The following RSPH14 variants were observed in gnomAD, a reference collection of about 807,000 sequenced individuals.
RSPH14 encodes the protein rhabdoid tumor deletion region gene 1.
RSPH14 carries 20 observed loss-of-function variants against 26.7 expected under a neutral mutation model. The ratio of observed to expected loss-of-function variants is 0.75; its 90% CI spans 0.53 to 1.09. RSPH14 has a LOEUF of 1.09. Among genes scored for constraint, RSPH14 ranks in the 50% least tolerant of loss-of-function variants. RSPH14 has a pLI of 0.00. For missense variants in RSPH14, 449 were observed against 457.2 expected (o/e 0.98, Z 0.16); for synonymous variants, 177 against 189.3 (o/e 0.93, Z 0.53).
chr22:23,160,907 C>T, the RSPH14 span: 42 of 1,613,776 alleles, frequency 2.6e-5, no homozygotes, highest in South Asian at 7.7e-5. Flanking sequence ...TCTTCAGCCG[C>T]GTAGCCGCCC....
chr22:23,135,755 T>C (rs940043132), intron 3 of RSPH14, among the ~76,000 whole-genome samples: 47 of 152,038 alleles, frequency 3.1e-4, no homozygotes, highest in African/African-American at 1.1e-3. Flanking sequence ...TGGGTTAAAA[T>C]GAACCATTTA....
chr22:23,140,074 T>G lies in RSPH14; in HGVS notation c.199+148A>C, dbSNP rs1601868133. 11 of 949,368 alleles carry G rather than the reference T, an allele frequency of 1.2e-5. No homozygotes were observed. In the East Asian group the frequency reaches 2.7e-4, roughly 23 times the overall value. The allele number at this position is 949,368 out of a possible 1,614,324, so 58.8% of individuals were successfully genotyped here. A position where few individuals can be genotyped will look rare whatever the true frequency, so the allele number is the denominator to read the frequency against. Reference sequence around the variant, plus strand: ...ACCCTCCCTCAATAAATAAACATTTTTTAAAAAGAACCCGGGCACCGCACC... The same window carrying G: ...ACCCTCCCTCAATAAATAAACATTTGTTAAAAAGAACCCGGGCACCGCACC... On this transcript the variant is annotated intron_variant, in intron 2 of 6. Coordinates refer to ENST00000216036, the MANE Select transcript of RSPH14 (RefSeq NM_014433.3).
chr22:23,085,957 G>A (rs985839166), intron 4 of RSPH14, among the ~76,000 whole-genome samples: 7 of 152,240 alleles, frequency 4.6e-5, no homozygotes, highest in Non-Finnish European at 1.0e-4. Flanking sequence ...TCCAGCAGGC[G>A]CTAATCCCCG....
chr22:23,152,693 G>A, the RSPH14 span, among the ~76,000 whole-genome samples: 1 of 152,218 alleles, frequency 6.6e-6, no homozygotes, highest in Non-Finnish European at 1.5e-5. Flanking sequence ...AAGAAATCGG[G>A]GAGATGGCAG....
intron 4 of RSPH14, among the ~76,000 whole-genome samples, chr22:23,083,547 G>A (rs895204923): frequency 1.3e-5 from 2 of 152,170 alleles, no homozygotes; most frequent in East Asian, 1.9e-4. Context: ...CACCTGCTTC[G>A]AGGGAAGCAG....
chr22:23,111,026 AG>A (rs768570443), intron 4 of RSPH14, among the ~76,000 whole-genome samples: 4 of 152,138 alleles, frequency 2.6e-5, no homozygotes, highest in South Asian at 2.1e-4. Context: ...ACTTCGAATG[AG>A]GGGGTAGGAT....
At chr22:23,095,663 G>T in intron 4 of RSPH14, 1 of 1,572,708 alleles carries the variant, frequency 6.4e-7, no homozygotes, top group Non-Finnish European at 8.6e-7. Context: ...GCCCCATCCC[G>T]TGCTCCTTGT....
In RSPH14 at chr22:23,124,099, G is replaced by A. The variant is rs73386673; in HGVS notation, c.421+9927C>T. 2.1e-3 allele frequency: 441 copies of A among 210,096 alleles called. 3 individuals carry two copies. The highest frequency in any genetic ancestry group is 8.8e-3 in the African/African-American group (368 of 42,046). The allele number at this position is 210,096 out of a possible 1,614,324, so 13.0% of individuals were successfully genotyped here. A position where few individuals can be genotyped will look rare whatever the true frequency, so the allele number is the denominator to read the frequency against. On this transcript the variant is annotated intron_variant, in intron 4 of 6. Coordinates refer to ENST00000216036, the MANE Select transcript of RSPH14 (RefSeq NM_014433.3). ...ACCAATACAACAAAACGAGTGGCAC[G>A]ATTTATTTCAAACTAGGCCAGCTGG...
the RSPH14 span, among the ~76,000 whole-genome samples, chr22:23,178,281 T>C: frequency 7.9e-5 from 12 of 152,142 alleles, no homozygotes; most frequent in African/African-American, 2.9e-4. Context: ...CTGGGCGTGA[T>C]GGCAGGCGCC....
chr22:23,118,380 A>G (rs1476522341), intron 4 of RSPH14, among the ~76,000 whole-genome samples: 1 of 152,222 alleles, frequency 6.6e-6, no homozygotes, highest in Non-Finnish European at 1.5e-5. Flanking sequence ...TCTTGCTGGT[A>G]AGCAGGCCCT....
chr22:23,143,945 T>A (rs1168359796), upstream of RSPH14, among the ~76,000 whole-genome samples: 17 of 151,796 alleles, frequency 1.1e-4, no homozygotes, highest in Admixed American at 1.1e-3. Context: ...ATTTAAAAAT[T>A]AGCCAAGCAT....
chr22:23,080,598 C>G (rs1452031302), intron 4 of RSPH14, among the ~76,000 whole-genome samples: 2 of 152,196 alleles, frequency 1.3e-5, no homozygotes, highest in African/African-American at 4.8e-5. Context: ...GTGCAAGGCC[C>G]ATCAGGCAGG....
chr22:23,131,453 T>G, intron 4 of RSPH14: 1 of 406,616 alleles, frequency 2.5e-6, no homozygotes, highest in Non-Finnish European at 4.4e-6. Context: ...TACCTATGAT[T>G]TCTTCAAATA....
At chr22:23,130,958 G>A (rs77916443) in intron 4 of RSPH14, among the ~76,000 whole-genome samples, 4,019 of 152,334 alleles carry the variant, frequency 0.026, 175 homozygotes, top group African/African-American at 0.091. Context: ...CTGGCCCAGC[G>A]ATGCCCTCCC....
chr22:23,163,803 G>A, the RSPH14 span: 1 of 152,230 alleles, frequency 6.6e-6, no homozygotes, highest in African/African-American at 2.4e-5. Context: ...ACCAGAGTGA[G>A]CTCCTTCTGG....
intron 4 of RSPH14, 77 bp downstream of exon 4, chr22:23,133,949 G>A (rs1231553773): frequency 1.1e-6 from 1 of 950,860 alleles, no homozygotes; most frequent in Admixed American, 1.8e-5. Context: ...CTACACCCTG[G>A]TACATATGTG....
At chr22:23,153,124 A>G in the RSPH14 span, 7 of 1,613,718 alleles carry the variant, frequency 4.3e-6, no homozygotes, top group Admixed American at 8.3e-5. Context: ...GATTCCCTAT[A>G]GCCTCCAGAT....
At chr22:23,171,842 C>CA in the RSPH14 span, among the ~76,000 whole-genome samples, 1,740 of 30,266 alleles carry the variant, frequency 0.057, 66 homozygotes, top group Non-Finnish European at 0.08. Flanking sequence ...AACTCTGTCT[C>CA]AAAAAAAAAA....
upstream of RSPH14, among the ~76,000 whole-genome samples, chr22:23,143,453 C>T (rs1356453059): frequency 6.6e-6 from 1 of 152,092 alleles, no homozygotes; most frequent in African/African-American, 2.4e-5. Context: ...AAGAAAATAG[C>T]CCTTGTCACC....
Sources: gnomAD v4.1 joint callset for allele counts (sites outside exome capture counted in the v4.1 genomes callset) on GRCh38, gnomAD v4.1.1 for gene constraint, MANE v1.5 for transcripts, NCBI Gene and HGNC (gene_info 2026-07-23, HGNC 2026-07-21) for gene names.